The following ABCC6 variants were observed in gnomAD, a reference collection of about 807,000 sequenced individuals.
ABCC6 encodes the protein ATP-binding cassette sub-family C member 6.
Under a neutral mutation model 169.5 loss-of-function variants are expected in ABCC6, and 126 were observed. That is an observed-to-expected ratio of 0.74 (90% confidence interval 0.64 to 0.86). The LOEUF is 0.86. ABCC6 is among the 40% of genes least tolerant of loss of function. The pLI, the probability that ABCC6 is intolerant of heterozygous loss-of-function variation, is 0.00. For missense variants in ABCC6, 1,733 were observed against 1,927.2 expected, an observed-to-expected ratio of 0.90 and a Z score of 1.89; for synonymous variants, 752 against 814.7, an observed-to-expected ratio of 0.92 and a Z score of 1.31.
At chr16:16,190,105 C>A in intron 12 of ABCC6, 59 bp downstream of exon 12, 4 of 1,589,652 alleles carry the variant, frequency 2.5e-6, no homozygotes, top group Non-Finnish European at 3.4e-6. Context: ...CCTCACCCTG[C>A]CCCCACCCCC....
At chr16:16,166,921 AAAAAC>A (rs1428038578) in intron 22 of ABCC6, among the ~76,000 whole-genome samples, 1 of 144,806 alleles carries the variant, frequency 6.9e-6, no homozygotes, top group Non-Finnish European at 1.5e-5. Context: ...AAACAAACAA[AAAAAC>A]CAAAAAAACC....
In ABCC6 at chr16:16,155,042, T is replaced by C; in HGVS notation, c.3883-11A>G. On this transcript the variant is annotated splice_polypyrimidine_tract_variant and intron_variant, in intron 27 of 30. Transcript: ENST00000205557. ...GCCAACGATGCCCACCTGCCCGGGG[T>C]TGGGAGGAAAGGCCTGCTCTGACCA... 1 of 1,550,138 alleles carries C rather than the reference T, an allele frequency of 6.5e-7. No individual in the cohort carries two copies. The highest frequency in any genetic ancestry group is 1.2e-5 in the South Asian group (1 of 84,218).
Position 16,185,084 on chromosome 16 carries a change from T to C in ABCC6, c.1868-50A>G, listed in dbSNP as rs760422935. On this transcript the variant is annotated intron_variant, in intron 14 of 30. Transcript: ENST00000205557. ...CAGGAGACCCCTGACCTGGCCGGCCTCTGCATCGGAGAGGCCCCCAGGCAC... is the reference window on the plus strand; with the variant it reads ...CAGGAGACCCCTGACCTGGCCGGCCCCTGCATCGGAGAGGCCCCCAGGCAC... The C allele has an allele frequency of 2.6e-6, 4 of 1,567,302 alleles. No individual in the cohort carries two copies. The African/African-American group carries it at 4.1e-5, about 16-fold the overall frequency.
chr16:16,159,733 AG>A lies in ABCC6; in HGVS notation c.3634-151del. ...TGGGACAGTCTGAGGACCTGGGCCC[AG>A]GGGATTGGGATTTGGATACAACCAA... On this transcript the variant is annotated intron_variant, in intron 25 of 30. Coordinates refer to ENST00000205557, the MANE Select transcript of ABCC6 (RefSeq NM_001171.6). 19 of 719,052 alleles carry A rather than the reference AG, an allele frequency of 2.6e-5. No homozygotes were observed. In the South Asian group the frequency reaches 2.9e-4, roughly 11 times the overall value. 44.5% of individuals were successfully genotyped at this position (719,052 alleles called of 1,614,324 possible). A position where few individuals can be genotyped will look rare whatever the true frequency, so the allele number is the denominator to read the frequency against.
At chr16:16,175,843 G>A (rs920872496) in intron 20 of ABCC6, 68 bp downstream of exon 20, 28 of 1,564,066 alleles carry the variant, frequency 1.8e-5, no homozygotes, top group East Asian at 2.2e-5. Context: ...CCCGAGATGC[G>A]GGTGGTCCCT....
chr16:16,173,596 G>A (rs909962889), intron 20 of ABCC6, among the ~76,000 whole-genome samples, 192 bp from the exon 21 acceptor site: 2 of 151,912 alleles, frequency 1.3e-5, no homozygotes, highest in Non-Finnish European at 2.9e-5. Flanking sequence ...CCAGCTAAAT[G>A]CCATCTATTA....
Position 16,198,169 on chromosome 16 carries a change from G to A in ABCC6, c.1190C>T (p.Ser397Phe), listed in dbSNP as rs773374784. ...CGCACTGGCCTTTCTGGAGCCGCTG[G>A]ACAGAGCCAGGACCTGGCGGGTGGG... ...GLVYRKVLAL[S>F]SGSRKASAVG... The change falls in exon 10 of 31, where the codon TCC (serine) becomes TTC (phenylalanine). Residue 397 changes from serine (S) to phenylalanine (F), a missense_variant. Ser to Phe is a radical substitution (Grantham distance 155). Coordinates refer to ENST00000205557, the MANE Select transcript of ABCC6 (RefSeq NM_001171.6). 2 of 1,602,508 alleles carry A rather than the reference G, an allele frequency of 1.2e-6. No individual in the cohort carries two copies. The highest frequency in any genetic ancestry group is 3.5e-5 in the Admixed American group (2 of 57,968).
chr16:16,201,822 C>T (rs76706515), intron 9 of ABCC6, among the ~76,000 whole-genome samples, 179 bp downstream of exon 9: 9 of 152,160 alleles, frequency 5.9e-5, no homozygotes, highest in South Asian at 2.1e-4. Flanking sequence ...AGCAAGACTC[C>T]ATCTCAAAAA....
chr16:16,182,794 GT>G lies in ABCC6; in HGVS notation c.2070+9del, dbSNP rs773931382. 16 of 1,613,914 alleles carry G rather than the reference GT, an allele frequency of 9.9e-6. No homozygotes were observed. The highest frequency in any genetic ancestry group is 1.3e-5 in the Non-Finnish European group (15 of 1,179,932). The stretch of plus-strand genomic sequence containing the variant: ...GGACATCCTAGCAGACAGGCTGGGG[GT>G]GGCCTCACCTCGATGCTCACGAACC... On this transcript the variant is annotated intron_variant, in intron 16 of 30. Coordinates refer to ENST00000205557, the MANE Select transcript of ABCC6 (RefSeq NM_001171.6).
chr16:16,164,312 G>T (rs575193972), intron 23 of ABCC6, among the ~76,000 whole-genome samples: 3 of 152,202 alleles, frequency 2.0e-5, no homozygotes, highest in Non-Finnish European at 4.4e-5. Flanking sequence ...GATTAGATGT[G>T]TGAGCCACCA....
At chr16:16,153,765 C>G (rs953267752) in intron 29 of ABCC6, among the ~76,000 whole-genome samples, 1 of 151,570 alleles carries the variant, frequency 6.6e-6, no homozygotes, top group Non-Finnish European at 1.5e-5. Flanking sequence ...TTACCTGGCC[C>G]TGGTGGCTCA....
chr16:16,222,089 G>A (rs2049094125), intron 1 of ABCC6, among the ~76,000 whole-genome samples: 2 of 152,194 alleles, frequency 1.3e-5, no homozygotes, highest in Admixed American at 6.5e-5. Flanking sequence ...CAGCTGAGGA[G>A]TGGAAGGGCT....
intron 11 of ABCC6, among the ~76,000 whole-genome samples, chr16:16,192,147 C>T (rs746701718): frequency 1.3e-5 from 2 of 152,048 alleles, no homozygotes; most frequent in African/African-American, 2.4e-5. Context: ...AGAGGATCTT[C>T]GGGAGTGAGG....
intron 23 of ABCC6, among the ~76,000 whole-genome samples, chr16:16,163,518 G>A (rs1189900363): frequency 6.6e-6 from 1 of 152,146 alleles, no homozygotes; most frequent in Non-Finnish European, 1.5e-5. Context: ...GGACAGCCAG[G>A]GTTGAGAAAC....
At chr16:16,192,065 G>A (rs1555515515) in intron 11 of ABCC6, among the ~76,000 whole-genome samples, 2 of 152,214 alleles carry the variant, frequency 1.3e-5, no homozygotes, top group African/African-American at 2.4e-5. Context: ...GCTGCTGGGA[G>A]GGGAGGGATG....
chr16:16,164,358 A>G (rs895087390), intron 23 of ABCC6, among the ~76,000 whole-genome samples: 1 of 151,902 alleles, frequency 6.6e-6, no homozygotes, highest in Admixed American at 6.6e-5. Context: ...TCTGACTACC[A>G]TGTTTTCTAC....
At chr16:16,164,180 T>A (rs943078338) in intron 23 of ABCC6, among the ~76,000 whole-genome samples, 1 of 152,068 alleles carries the variant, frequency 6.6e-6, no homozygotes, top group Admixed American at 6.6e-5. Flanking sequence ...ATTACAAGCA[T>A]GCGCCACCAC....
At chr16:16,201,954 C>T in intron 9 of ABCC6, 47 bp downstream of exon 9, 1 of 1,611,216 alleles carries the variant, frequency 6.2e-7, no homozygotes, top group Non-Finnish European at 8.5e-7. Context: ...CTCAGTGATA[C>T]TGCTTTTCCT....
intron 9 of ABCC6, 90 bp from the exon 10 acceptor site, chr16:16,198,272 T>TCG: frequency 7.1e-7 from 1 of 1,412,058 alleles, no homozygotes; most frequent in Non-Finnish European, 9.7e-7. Flanking sequence ...GAGCCCCACC[T>TCG]CACACGTCTG....
Sources: gnomAD v4.1 joint callset for allele counts (sites outside exome capture counted in the v4.1 genomes callset) on GRCh38, gnomAD v4.1.1 for gene constraint, MANE v1.5 for transcripts, NCBI Gene and HGNC (gene_info 2026-07-23, HGNC 2026-07-21) for gene names.